ARHGAP27: variants seen among roughly 807,000 people sequenced by gnomAD.
ARHGAP27 encodes the protein Rho GTPase activating protein 27.
A neutral mutation model predicts 102.0 loss-of-function variants in ARHGAP27; 53 were observed. That is an observed-to-expected ratio of 0.52 (90% confidence interval 0.42 to 0.65). The LOEUF is 0.65. ARHGAP27 is among the 30% of genes least tolerant of loss of function. The probability of loss-of-function intolerance (pLI) is 0.00; values close to 1 mark genes in which losing one functional copy is unlikely to be tolerated. For missense variants in ARHGAP27, 1,117 were observed against 1,256.2 expected, an observed-to-expected ratio of 0.89 and a Z score of 1.68; for synonymous variants, 525 against 542.8, an observed-to-expected ratio of 0.97 and a Z score of 0.46.
intron 4 of ARHGAP27, among the ~76,000 whole-genome samples, chr17:45,417,564 C>T (rs923797976): frequency 1.3e-5 from 2 of 151,446 alleles, no homozygotes; most frequent in African/African-American, 4.9e-5. Flanking sequence ...ATCAGGAGTT[C>T]GAGACCAGCC....
Position 45,395,592 on chromosome 17 carries a change from C to A in ARHGAP27, c.2534G>T (p.Ser845Ile). 6.2e-7 allele frequency: 1 copy of A among 1,607,452 alleles called. No individual in the cohort carries two copies. Among genetic ancestry groups the A allele is most frequent in the Non-Finnish European group, 8.5e-7 (1 of 1,177,280 alleles). Residue 845 changes from serine to isoleucine, a missense_variant, in exon 20 of 20, where the codon AGC becomes ATC. Physicochemically the swap from Ser to Ile is moderately radical, Grantham distance 142 (BLOSUM62 -2). Coordinates refer to ENST00000685559, the MANE Select transcript of ARHGAP27 (RefSeq NM_001282290.2). ...HGEQNRMSVQ[S>I]VAIVFGPTLL... ...CGTGGGCCCGAACACAATGGCCACG[C>A]TCTGCACCGACATGCGGTTCTGCTC...
chr17:45,420,783 T>C (rs1273389361), intron 4 of ARHGAP27, among the ~76,000 whole-genome samples: 1 of 151,338 alleles, frequency 6.6e-6, no homozygotes, highest in African/African-American at 2.4e-5. Flanking sequence ...TGAAACCCCG[T>C]CTCTACTAAA....
rs1028371684 is a variant in ARHGAP27, at chr17:45,395,169, G to A, written c.*287C>T. 6.1e-6 allele frequency: 3 copies of A among 495,802 alleles called. No homozygotes were observed. Among genetic ancestry groups the A allele is most frequent in the East Asian group, 3.5e-5 (1 of 28,462 alleles). The allele number at this position is 495,802 out of a possible 1,614,324, so 30.7% of individuals were successfully genotyped here. On this transcript the variant is annotated 3_prime_UTR_variant, in exon 20 of 20. Coordinates refer to ENST00000685559, the MANE Select transcript of ARHGAP27 (RefSeq NM_001282290.2). Reference sequence around the variant, plus strand: ...AACTCTCACCCCCACACACGCTATCGCACACGCACAGTAGGCGCGATGCAA... The same window carrying A: ...AACTCTCACCCCCACACACGCTATCACACACGCACAGTAGGCGCGATGCAA...
At chr17:45,403,986 C>T in intron 10 of ARHGAP27, 43 bp downstream of exon 10, 4 of 1,605,816 alleles carry the variant, frequency 2.5e-6, no homozygotes, top group Non-Finnish European at 3.4e-6. Flanking sequence ...ACATCGTCAC[C>T]AAGGCCCACC....
intron 13 of ARHGAP27, 72 bp downstream of exon 13, chr17:45,397,877 C>A: frequency 1.5e-6 from 2 of 1,361,104 alleles, no homozygotes; most frequent in Non-Finnish European, 2.0e-6. Flanking sequence ...GCTCCCTGAG[C>A]CTGAGCAGAG....
intron 4 of ARHGAP27, among the ~76,000 whole-genome samples, chr17:45,414,658 AGGCT>A (rs2048264464): frequency 6.9e-6 from 1 of 144,064 alleles, no homozygotes; most frequent in Admixed American, 7.0e-5. Flanking sequence ...TATGTTGTCC[AGGCT>A]GGTCTTGATC....
intron 4 of ARHGAP27, chr17:45,425,610 A>C: frequency 2.0e-6 from 2 of 985,560 alleles, no homozygotes; most frequent in Non-Finnish European, 2.4e-6. Flanking sequence ...GGCTCCTTCC[A>C]GTCGGGGCTG....
At position 45,404,994 on chromosome 17, in the gene ARHGAP27, G is replaced by A; in HGVS notation, c.1178C>T (p.Pro393Leu). ...GCTGACATGACAAGACCAGCCGGGG[G>A]GTGTGGTCAAGGGAGAGGTAGGGCC... ...EPGPTSPLTT[P>L]PGWSCHVSQD... The change falls in exon 6 of 20, where the codon CCC (proline) becomes CTC (leucine). Residue 393 changes from proline to leucine, a missense_variant. Pro to Leu is a moderately conservative substitution (Grantham distance 98, BLOSUM62 -3). Around this residue, in one of 3 missense-constraint regions of ARHGAP27, gnomAD observed 610 missense variants for 716.4 expected, o/e 0.85. Transcript: ENST00000685559. The A allele has an allele frequency of 6.2e-7, 1 of 1,614,118 alleles. No individual in the cohort carries two copies. The highest frequency in any genetic ancestry group is 8.5e-7 in the Non-Finnish European group (1 of 1,179,996).
chr17:45,414,450 T>G (rs982679796), intron 4 of ARHGAP27, among the ~76,000 whole-genome samples: 1 of 151,666 alleles, frequency 6.6e-6, no homozygotes, highest in Non-Finnish European at 1.5e-5. Flanking sequence ...TGGTTTTTTT[T>G]TTTTTTAGAC....
At chr17:45,400,258 C>T (rs1391263794) in intron 12 of ARHGAP27, among the ~76,000 whole-genome samples, 1 of 152,186 alleles carries the variant, frequency 6.6e-6, no homozygotes, top group East Asian at 1.9e-4. Flanking sequence ...TTCTGTAACT[C>T]GGGGTGACTA....
intron 4 of ARHGAP27, among the ~76,000 whole-genome samples, chr17:45,422,340 CAGGGA>C (rs1326760140): frequency 6.6e-6 from 1 of 151,696 alleles, no homozygotes; most frequent in Non-Finnish European, 1.5e-5. Context: ...TTGCCTCAGC[CAGGGA>C]GGCTGAGGCT....
At position 45,404,540 on chromosome 17, in the gene ARHGAP27, GAC is replaced by G. The variant is rs1567703003; in HGVS notation, c.1330-14_1330-13del. On this transcript the variant is annotated splice_polypyrimidine_tract_variant and intron_variant, in intron 7 of 19. Transcript: ENST00000685559. The stretch of plus-strand genomic sequence containing the variant: ...GCAGGGACAGGGACCTGGGGAGAAA[GAC>G]ACAGTCGTATATGATCTCTTCCTCT... 6.2e-7 allele frequency: 1 copy of G among 1,613,426 alleles called. No homozygotes were observed.
intron 4 of ARHGAP27, among the ~76,000 whole-genome samples, chr17:45,420,216 T>C (rs1239753687): frequency 6.6e-6 from 1 of 152,208 alleles, no homozygotes; most frequent in Non-Finnish European, 1.5e-5. Context: ...GGATTATTTG[T>C]AGTTGTAGGG....
At chr17:45,409,877 G>A (rs2047692294) in intron 4 of ARHGAP27, 1 of 246,188 alleles carries the variant, frequency 4.1e-6, no homozygotes, top group Non-Finnish European at 7.9e-6. Flanking sequence ...GGGATCAATG[G>A]CTCTTGGGTC....
In ARHGAP27 at chr17:45,406,066, C is replaced by A. The variant is rs1220660781; in HGVS notation, c.675G>T (p.Glu225Asp). 6.6e-7 allele frequency: 1 copy of A among 1,525,258 alleles called. No individual in the cohort carries two copies. Among genetic ancestry groups the A allele is most frequent in the South Asian group, 1.2e-5 (1 of 83,506 alleles). The allele number at this position is 1,525,258 out of a possible 1,614,324, so 94.5% of individuals were successfully genotyped here. A position where few individuals can be genotyped will look rare whatever the true frequency, so the allele number is the denominator to read the frequency against. Residue 225 changes from glutamate (E) to aspartate (D), a missense_variant, in exon 5 of 20, where the codon GAG becomes GAT. Transcript: ENST00000685559. Reference sequence around the variant, plus strand: ...GCCTCTCTATGTTCGCGTACACGGGCTCCGGTGGGTCGTCCACCTGCGGGA... The same window carrying A: ...GCCTCTCTATGTTCGCGTACACGGGATCCGGTGGGTCGTCCACCTGCGGGA... Reference protein sequence around the residue: ...ESAEQVDDPPEPVYANIERQP... With the variant: ...ESAEQVDDPPDPVYANIERQP...
intron 3 of ARHGAP27, 107 bp downstream of exon 3, chr17:45,431,514 C>G (rs1597887263): frequency 5.1e-6 from 1 of 197,160 alleles, no homozygotes; most frequent in East Asian, 1.8e-4. Context: ...ACTAAGCACG[C>G]TGGGCCCCGG....
chr17:45,397,227 C>T, intron 13 of ARHGAP27: 1 of 1,426,056 alleles, frequency 7.0e-7, no homozygotes, highest in Non-Finnish European at 9.1e-7. Context: ...CTGCATGGAG[C>T]CCTTAAGGTG....
chr17:45,429,448 G>T (rs777185485), intron 4 of ARHGAP27, 175 bp downstream of exon 4: 1 of 1,450,170 alleles, frequency 6.9e-7, no homozygotes, highest in Non-Finnish European at 9.0e-7. Context: ...AGGGACTGCG[G>T]GCGTGCACCC....
Position 45,425,637 on chromosome 17 carries a change from G to A in ARHGAP27, c.657+3986C>T, listed in dbSNP as rs1186092217. ...TCGGGGCTGCCTGCTCATGTGCGGC[G>A]CCTCCGGGGCTGCTTGTATAAGAAG... On this transcript the variant is annotated intron_variant, in intron 4 of 19. Transcript: ENST00000685559. 11 of 985,328 alleles carry A rather than the reference G, an allele frequency of 1.1e-5. No homozygotes were observed. In the African/African-American group the frequency reaches 1.2e-4, roughly 11 times the overall value. The allele number at this position is 985,328 out of a possible 1,614,324, so 61.0% of individuals were successfully genotyped here.
Sources: gnomAD v4.1 joint callset for allele counts (sites outside exome capture counted in the v4.1 genomes callset) on GRCh38, gnomAD v4.1.1 for gene constraint, gnomAD v4.1.1 regional missense constraint, MANE v1.5 for transcripts, NCBI Gene and HGNC (gene_info 2026-07-23, HGNC 2026-07-21) for gene names.